The following SCN7A variants were observed in gnomAD, a reference collection of about 807,000 sequenced individuals.
SCN7A encodes the protein sodium voltage-gated channel alpha subunit 7, also known as sodium channel protein type 7 subunit alpha.
In SCN7A, 138 loss-of-function variants were observed where a neutral mutation model predicts 155.2. The observed-to-expected ratio is 0.89, with a 90% CI of 0.77 to 1.02. The LOEUF (loss-of-function observed/expected upper bound fraction) is 1.02. Among genes scored for constraint, SCN7A ranks in the 50% least tolerant of loss-of-function variants. The probability of loss-of-function intolerance (pLI) is 0.00; values close to 1 mark genes in which losing one functional copy is unlikely to be tolerated. For missense variants in SCN7A, 2,058 were observed against 1,986.6 expected, an observed-to-expected ratio of 1.04 and a Z score of -0.68; for synonymous variants, 693 against 649.0, an observed-to-expected ratio of 1.07 and a Z score of -1.03.
intron 18 of SCN7A, 89 bp downstream of exon 18, chr2:166,427,699 A>T (rs943270619): frequency 7.5e-6 from 9 of 1,197,614 alleles, no homozygotes; most frequent in Non-Finnish European, 1.0e-5. Context: ...ATCCTTGGAA[A>T]TGTAATCCTG....
chr2:166,432,091 G>A (rs535371770), intron 16 of SCN7A, among the ~76,000 whole-genome samples: 2 of 151,966 alleles, frequency 1.3e-5, no homozygotes, highest in South Asian at 4.2e-4. Flanking sequence ...CCCCCTCCAT[G>A]GACTAAATAC....
intron 20 of SCN7A, among the ~76,000 whole-genome samples, chr2:166,418,726 A>T (rs1389511598): frequency 6.6e-6 from 1 of 152,204 alleles, no homozygotes; most frequent in East Asian, 1.9e-4. Flanking sequence ...TGCTGAAGAA[A>T]AATGCCATGT....
Position 166,406,091 on chromosome 2 carries a change from T to C in SCN7A, c.4538A>G (p.Asp1513Gly). 6.2e-7 allele frequency: 1 copy of C among 1,612,420 alleles called. No homozygotes were observed. Among genetic ancestry groups the C allele is most frequent in the Non-Finnish European group, 8.5e-7 (1 of 1,179,080 alleles). The change falls in exon 26 of 26, where the codon GAT becomes GGT. Residue 1513 changes from aspartate to glycine, a missense_variant. Transcript: ENST00000643258. ...TACCTGAAAGAATTTCCTAAAATCA[T>C]CTTCACTCAAGGTCTTGTTTTTCTT... ...SKKKNKTLSE[D>G]DFRKFFQVWK... is the part of the protein sequence containing the mutation.
intron 11 of SCN7A, among the ~76,000 whole-genome samples, chr2:166,448,576 G>A (rs920865613): frequency 4.6e-5 from 7 of 152,052 alleles, no homozygotes; most frequent in Non-Finnish European, 5.9e-5. Flanking sequence ...CACTAATAGC[G>A]TTCCAAAAGA....
chr2:166,460,371 T>C lies in SCN7A; in HGVS notation c.1083+2018A>G, dbSNP rs138988174. 6.0e-3 allele frequency among the ~76,000 whole-genome samples: 916 copies of C among 152,242 alleles called. 9 individuals carry two copies. The highest frequency in any genetic ancestry group is 0.021 in the African/African-American group (852 of 41,554). ...ACTTATATTTTTATTAAAGTTCCAT[T>C]AAGAATTCTATGTGTAGATGCTGAG... On this transcript the variant is annotated intron_variant, in intron 10 of 25. Coordinates refer to ENST00000643258, the MANE Select transcript of SCN7A (RefSeq NM_002976.4).
At chr2:166,480,014 C>T (rs575206549) in intron 2 of SCN7A, among the ~76,000 whole-genome samples, 4 of 152,194 alleles carry the variant, frequency 2.6e-5, no homozygotes, top group African/African-American at 7.2e-5. Flanking sequence ...TTATAGATAC[C>T]ATATGCACAC....
intron 17 of SCN7A, among the ~76,000 whole-genome samples, chr2:166,428,927 G>A (rs1462555884): frequency 6.6e-6 from 1 of 151,966 alleles, no homozygotes; most frequent in African/African-American, 2.4e-5. Flanking sequence ...ATATGTTGAA[G>A]TCAAATGAAG....
At chr2:166,462,088 CAAAAAA>C in intron 10 of SCN7A, 5 of 64,388 alleles carry the variant, frequency 7.8e-5, no homozygotes, top group Admixed American at 3.7e-4. Context: ...GACTCCGTCT[CAAAAAA>C]AAAAAAAAAA....
At chr2:166,478,296 T>C (rs1396015883) in intron 2 of SCN7A, among the ~76,000 whole-genome samples, 1 of 149,668 alleles carries the variant, frequency 6.7e-6, no homozygotes, top group Non-Finnish European at 1.5e-5. Context: ...ACTTAAAGTA[T>C]AATAAAAAAT....
chr2:166,469,332 C>T (rs1210497915), intron 7 of SCN7A, among the ~76,000 whole-genome samples: 3 of 151,462 alleles, frequency 2.0e-5, no homozygotes, highest in Non-Finnish European at 4.4e-5. Flanking sequence ...ATTTTTATCA[C>T]TTTTTTGTCT....
At chr2:166,445,047 G>C in intron 12 of SCN7A, 47 bp from the exon 13 acceptor site, 1 of 1,199,584 alleles carries the variant, frequency 8.3e-7, no homozygotes, top group Non-Finnish European at 1.2e-6. Flanking sequence ...CGGGTGCAGT[G>C]GCTCATGCCT....
chr2:166,462,056 T>C (rs1702423092), intron 10 of SCN7A: 1 of 149,730 alleles, frequency 6.7e-6, no homozygotes, highest in African/African-American at 2.9e-5. Context: ...GCCACTGCAC[T>C]CCAGCCTGGG....
intron 10 of SCN7A, among the ~76,000 whole-genome samples, chr2:166,459,558 T>C (rs1017056091): frequency 1.3e-5 from 2 of 152,166 alleles, no homozygotes; most frequent in African/African-American, 4.8e-5. Flanking sequence ...ATCCAAAACA[T>C]ATGCTATACT....
intron 8 of SCN7A, 108 bp from the exon 9 acceptor site, chr2:166,465,639 A>G (rs941408266): frequency 1.6e-6 from 2 of 1,235,056 alleles, no homozygotes; most frequent in African/African-American, 3.0e-5. Flanking sequence ...TGCAATTGTG[A>G]AGAAAAGAGC....
intron 11 of SCN7A, among the ~76,000 whole-genome samples, chr2:166,448,575 C>T (rs77361915): frequency 0.015 from 2,355 of 152,190 alleles, 77 homozygotes; most frequent in East Asian, 0.12. Flanking sequence ...CCACTAATAG[C>T]GTTCCAAAAG....
chr2:166,477,325 A>G, intron 3 of SCN7A, 138 bp downstream of exon 3: 1 of 661,170 alleles, frequency 1.5e-6, no homozygotes, highest in Non-Finnish European at 2.5e-6. Context: ...GAGATATCTT[A>G]TGTCGTTCTG....
At chr2:166,424,095 T>TA (rs1379904709) in intron 18 of SCN7A, among the ~76,000 whole-genome samples, 1 of 152,200 alleles carries the variant, frequency 6.6e-6, no homozygotes, top group Non-Finnish European at 1.5e-5. Flanking sequence ...AAGCAAGGAT[T>TA]AAAATAATCT....
chr2:166,489,109 A>T (rs893130442), intron 1 of SCN7A, among the ~76,000 whole-genome samples: 1 of 152,218 alleles, frequency 6.6e-6, no homozygotes, highest in South Asian at 2.1e-4. Context: ...AATAACAAAA[A>T]TTCTAGTATA....
chr2:166,428,642 T>G (rs938276836), intron 17 of SCN7A, among the ~76,000 whole-genome samples: 1 of 152,042 alleles, frequency 6.6e-6, no homozygotes, highest in East Asian at 1.9e-4. Flanking sequence ...AGCCAAAACA[T>G]TTTATTTTGG....
Sources: gnomAD v4.1 joint callset for allele counts (sites outside exome capture counted in the v4.1 genomes callset) on GRCh38, gnomAD v4.1.1 for gene constraint, MANE v1.5 for transcripts, NCBI Gene and HGNC (gene_info 2026-07-23, HGNC 2026-07-21) for gene names.